MCM10: variants seen among roughly 807,000 people sequenced by gnomAD.
MCM10 encodes the protein protein MCM10 homolog.
Under a neutral mutation model 109.9 loss-of-function variants are expected in MCM10, and 91 were observed. The observed-to-expected ratio is 0.83, with a 90% confidence interval of 0.70 to 0.99. MCM10 has a LOEUF of 0.99. Among genes scored for constraint, MCM10 ranks in the 50% least tolerant of loss-of-function variants. The probability of loss-of-function intolerance (pLI) is 0.00; values close to 1 mark genes in which losing one functional copy is unlikely to be tolerated. For synonymous variants in MCM10, 380 were observed against 387.2 expected, an observed-to-expected ratio of 0.98 and a Z score of 0.22; for missense variants, 1,077 against 1,061.2, an observed-to-expected ratio of 1.01 and a Z score of -0.21.
chr10:13,191,062 A>G (rs1474144675), intron 10 of MCM10, among the ~76,000 whole-genome samples: 1 of 152,098 alleles, frequency 6.6e-6, no homozygotes, highest in Non-Finnish European at 1.5e-5. Flanking sequence ...TCTTTTGCCA[A>G]ATTTCCTTCC....
In MCM10 at chr10:13,195,535, G is replaced by A. The variant is rs1052107291; in HGVS notation, c.1974+266G>A. 11 of 246,792 alleles carry A rather than the reference G, an allele frequency of 4.5e-5. No homozygotes were observed. The Admixed American group carries it at 5.5e-4, about 12-fold the overall frequency. The allele number at this position is 246,792 out of a possible 1,614,324, so 15.3% of individuals were successfully genotyped here. A position where few individuals can be genotyped will look rare whatever the true frequency, so the allele number is the denominator to read the frequency against. ...CAGTAGGAAAACAATGCTTGGAATTGTTGAGGTGAGACTGTAAAATGGTGG... is the reference window on the plus strand; with the variant it reads ...CAGTAGGAAAACAATGCTTGGAATTATTGAGGTGAGACTGTAAAATGGTGG... On this transcript the variant is annotated intron_variant, in intron 14 of 19. Coordinates refer to ENST00000378714, the MANE Select transcript of MCM10 (RefSeq NM_018518.5).
chr10:13,174,818 A>T (rs1834119165), intron 5 of MCM10, among the ~76,000 whole-genome samples: 1 of 152,108 alleles, frequency 6.6e-6, no homozygotes, highest in Non-Finnish European at 1.5e-5. Flanking sequence ...TGATTATTGC[A>T]TGTGTTGCTT....
intron 2 of MCM10, among the ~76,000 whole-genome samples, chr10:13,166,032 G>T (rs912732365): frequency 2.0e-5 from 3 of 152,090 alleles, no homozygotes; most frequent in African/African-American, 4.8e-5. Context: ...TTATATTTTA[G>T]TGGAGGGAGA....
At chr10:13,163,349 A>G (rs1833952877) in intron 1 of MCM10, among the ~76,000 whole-genome samples, 1 of 152,214 alleles carries the variant, frequency 6.6e-6, no homozygotes, top group South Asian at 2.1e-4. Flanking sequence ...AAAAGAAAAG[A>G]AAGTACCATA....
intron 2 of MCM10, among the ~76,000 whole-genome samples, chr10:13,168,931 C>G (rs1009398801): frequency 2.0e-5 from 3 of 152,200 alleles, no homozygotes; most frequent in Non-Finnish European, 2.9e-5. Flanking sequence ...TCTAACAAGG[C>G]CAGCCAGAAA....
At chr10:13,193,810 G>C (rs752973211) in intron 13 of MCM10, among the ~76,000 whole-genome samples, 2 of 152,120 alleles carry the variant, frequency 1.3e-5, no homozygotes, top group South Asian at 2.1e-4. Flanking sequence ...CAGCTTGAAG[G>C]CATTGCGTAA....
In MCM10 at chr10:13,189,093, C is replaced by T. The variant is rs757252786; in HGVS notation, c.1415+13C>T. 2.0e-5 allele frequency: 33 copies of T among 1,613,906 alleles called. No homozygotes were observed. The East Asian group carries it at 4.0e-4, about 20-fold the overall frequency. On this transcript the variant is annotated intron_variant, in intron 10 of 19. Coordinates refer to ENST00000378714, the MANE Select transcript of MCM10 (RefSeq NM_018518.5). ...ATGCAGCTTCAATGTAAGACGTTCT[C>T]GGGCTTCTTTTGGGCAGAGGATTTT... is the stretch of plus-strand genomic sequence containing the variant.
chr10:13,191,970 G>C (rs762716343), intron 11 of MCM10, among the ~76,000 whole-genome samples: 1 of 152,178 alleles, frequency 6.6e-6, no homozygotes, highest in African/African-American at 2.4e-5. Context: ...TGTGGTCAGG[G>C]ACCCTTATCC....
chr10:13,172,778 C>T lies in MCM10; in HGVS notation c.592+13C>T, dbSNP rs138922800. ...GCTTCACCTCCAGGTGTAGTACTTG[C>T]GGTCTCAGTATCTTGGCACTATTGT... is the stretch of plus-strand genomic sequence containing the variant. On this transcript the variant is annotated intron_variant, in intron 5 of 19. Transcript: ENST00000378714. The surrounding 1 kb of genome is among the most constrained non-coding windows in gnomAD (Gnocchi z 5.2). The T allele has an allele frequency of 6.3e-5, 102 of 1,613,366 alleles. No homozygotes were observed. The East Asian group carries it at 1.4e-3, about 22-fold the overall frequency.
intron 6 of MCM10, 35 bp from the exon 7 acceptor site, chr10:13,180,407 A>G (rs1414588409): frequency 2.8e-5 from 44 of 1,578,892 alleles, no homozygotes; most frequent in Non-Finnish European, 3.6e-5. Flanking sequence ...TCTTTATTAG[A>G]ATCATAATTA....
chr10:13,198,535 T>C (rs1834452878), intron 15 of MCM10, among the ~76,000 whole-genome samples, 154 bp from the exon 16 acceptor site: 1 of 152,152 alleles, frequency 6.6e-6, no homozygotes, highest in East Asian at 1.9e-4. Context: ...GGCTCACCTC[T>C]GAGAGCTTTT....
In MCM10 at chr10:13,195,144, G is replaced by T. The variant is rs771654696; in HGVS notation, c.1849G>T (p.Glu617Ter). 6.2e-7 allele frequency: 1 copy of T among 1,614,152 alleles called. No individual in the cohort carries two copies. The highest frequency in any genetic ancestry group is 8.5e-7 in the Non-Finnish European group (1 of 1,180,024). ...GACAGGATCCGAGTTCCCCAGGCTGGAGGGAGCCCCGGCCACAATGACGCC... is the reference window on the plus strand; with the variant it reads ...GACAGGATCCGAGTTCCCCAGGCTGTAGGGAGCCCCGGCCACAATGACGCC... ...PRTGSEFPRL[E>*]GAPATMTPKL... Residue 617 changes from glutamate to a stop codon, truncating the protein, a stop_gained, in exon 14 of 20, where the codon GAG becomes TAG. Coordinates refer to ENST00000378714, the MANE Select transcript of MCM10 (RefSeq NM_018518.5). LOFTEE classifies it high-confidence loss of function.
Position 13,170,981 on chromosome 10 carries a change from G to T in MCM10, c.67G>T (p.Asp23Tyr), listed in dbSNP as rs761411737. 1.2e-5 allele frequency: 19 copies of T among 1,614,110 alleles called. No individual in the cohort carries two copies. Among genetic ancestry groups the T allele is most frequent in the Non-Finnish European group, 9.3e-6 (11 of 1,180,050 alleles). Residue 23 changes from aspartate (D) to tyrosine (Y), a missense_variant, in exon 3 of 20, where the codon GAT becomes TAT. Asp to Tyr is a radical substitution (Grantham distance 160). Coordinates refer to ENST00000378714, the MANE Select transcript of MCM10 (RefSeq NM_018518.5). ...ALLEENESALDCNSEENNFLT... is the reference protein window; with the variant it reads ...ALLEENESALYCNSEENNFLT... Reference sequence around the variant, plus strand: ...GCTGGAAGAAAATGAGTCAGCCTTGGATTGTAATTCAGAAGAAAATAACTT... The same window carrying T: ...GCTGGAAGAAAATGAGTCAGCCTTGTATTGTAATTCAGAAGAAAATAACTT...
Position 13,183,109 on chromosome 10 carries a change from C to G in MCM10, c.1098+9C>G. 1 of 1,603,484 alleles carries G rather than the reference C, an allele frequency of 6.2e-7. No homozygotes were observed. The highest frequency in any genetic ancestry group is 8.5e-7 in the Non-Finnish European group (1 of 1,176,778). On this transcript the variant is annotated intron_variant, in intron 8 of 19. Coordinates refer to ENST00000378714, the MANE Select transcript of MCM10 (RefSeq NM_018518.5). ...AGGATGGTTCAGAGGAGGTAAGAGC[C>G]TGTTTCTGGGATTTGATTGATGATT... is the stretch of plus-strand genomic sequence containing the variant.
intron 6 of MCM10, among the ~76,000 whole-genome samples, chr10:13,179,026 G>A (rs975501237): frequency 2.0e-5 from 3 of 152,186 alleles, no homozygotes; most frequent in African/African-American, 7.2e-5. Flanking sequence ...ATCTAGAAAT[G>A]CTACTGATTT....
intron 17 of MCM10, among the ~76,000 whole-genome samples, chr10:13,202,833 T>C (rs1043076949): frequency 6.6e-6 from 1 of 152,054 alleles, no homozygotes; most frequent in Non-Finnish European, 1.5e-5. Flanking sequence ...TTTATTGTTA[T>C]TTTATTATGT....
intron 11 of MCM10, 30 bp from the exon 12 acceptor site, chr10:13,192,225 T>C (rs1834356466): frequency 1.4e-6 from 2 of 1,444,878 alleles, no homozygotes; most frequent in East Asian, 4.5e-5. Flanking sequence ...TGAATGTGAA[T>C]CCTCTAAAGC....
intron 2 of MCM10, among the ~76,000 whole-genome samples, chr10:13,165,672 C>T (rs182897026): frequency 2.0e-5 from 3 of 152,032 alleles, no homozygotes; most frequent in East Asian, 1.9e-4. Flanking sequence ...GTCAGGAGTT[C>T]GAGGCCAGCC....
chr10:13,172,397 AG>A lies in MCM10; in HGVS notation c.372del (p.Glu124AspfsTer3). The A allele has an allele frequency of 6.2e-7, 1 of 1,612,812 alleles. No homozygotes were observed. The highest frequency in any genetic ancestry group is 1.3e-5 in the African/African-American group (1 of 75,018). On this transcript the variant is annotated frameshift_variant, in exon 4 of 20. Coordinates refer to ENST00000378714, the MANE Select transcript of MCM10 (RefSeq NM_018518.5). LOFTEE classifies it high-confidence loss of function. The surrounding 1 kb of genome is among the most constrained non-coding windows in gnomAD (Gnocchi z 5.2). ...CTAGAGGAATTAAGGAATTTGCAAG[AG>A]CAAATGAAGGCCTTACAAGAGCAGC... ...ELQEELRNLQ[E>X]QMKALQEQLK... is the part of the protein sequence containing the mutation.
Sources: allele counts gnomAD v4.1 joint callset (sites outside exome capture counted in the v4.1 genomes callset), GRCh38; gene constraint gnomAD v4.1.1; non-coding constraint Gnocchi (gnomAD v3.1); transcripts MANE v1.5; gene names NCBI Gene and HGNC (gene_info 2026-07-23, HGNC 2026-07-21).